The following KIF13B variants were observed in gnomAD, a reference collection of about 807,000 sequenced individuals.
The protein encoded by KIF13B is kinesin-like protein KIF13B.
In KIF13B, 127 loss-of-function variants were observed where a neutral mutation model predicts 222.0. That is an observed-to-expected ratio of 0.57 (90% CI 0.50 to 0.66). The LOEUF (loss-of-function observed/expected upper bound fraction) is 0.66, where lower values mean the gene tolerates loss of function less well. Among genes scored for constraint, KIF13B ranks in the 30% least tolerant of loss-of-function variants. KIF13B has a pLI of 0.00. For synonymous variants in KIF13B, 976 were observed against 919.0 expected (o/e 1.06, Z -1.12); for missense variants, 2,173 against 2,379.0 (o/e 0.91, Z 1.80).
intron 36 of KIF13B, among the ~76,000 whole-genome samples, chr8:29,095,889 AC>A (rs1462298770): frequency 6.6e-6 from 1 of 152,210 alleles, no homozygotes; most frequent in Admixed American, 6.5e-5. Flanking sequence ...TCTGAAAAAA[AC>A]AAAACAAAAC....
chr8:29,178,534 A>C (rs1256621183), intron 8 of KIF13B, among the ~76,000 whole-genome samples: 1 of 152,130 alleles, frequency 6.6e-6, no homozygotes, highest in Non-Finnish European at 1.5e-5. Flanking sequence ...AACCAACACC[A>C]AAATCTATAG....
At chr8:29,093,994 A>G (rs990387220) in intron 36 of KIF13B, among the ~76,000 whole-genome samples, 1 of 152,246 alleles carries the variant, frequency 6.6e-6, no homozygotes, top group Non-Finnish European at 1.5e-5. Flanking sequence ...GAGGAAAAAA[A>G]TTACAATCTA....
intron 37 of KIF13B, among the ~76,000 whole-genome samples, chr8:29,087,630 A>T (rs1808100461): frequency 6.6e-6 from 1 of 152,226 alleles, no homozygotes; most frequent in Non-Finnish European, 1.5e-5. Flanking sequence ...GCGCAGTTCC[A>T]CGCTGCGTCG....
chr8:29,077,158 C>A (rs1807602067), intron 37 of KIF13B, among the ~76,000 whole-genome samples: 1 of 152,156 alleles, frequency 6.6e-6, no homozygotes, highest in Non-Finnish European at 1.5e-5. Flanking sequence ...CCCCTGGTGG[C>A]AGTTAGGCCA....
chr8:29,141,555 T>C (rs1214337884), intron 19 of KIF13B, among the ~76,000 whole-genome samples: 1 of 152,214 alleles, frequency 6.6e-6, no homozygotes, highest in African/African-American at 2.4e-5. Flanking sequence ...CGGAAACAGG[T>C]CTAACGGTAA....
chr8:29,141,531 TA>T (rs1810817545), intron 19 of KIF13B, among the ~76,000 whole-genome samples: 1 of 152,128 alleles, frequency 6.6e-6, no homozygotes, highest in Non-Finnish European at 1.5e-5. Context: ...GCAAAGGAAG[TA>T]AACAACTCTA....
chr8:29,127,848 T>C (rs1810182521), intron 24 of KIF13B, among the ~76,000 whole-genome samples: 1 of 152,008 alleles, frequency 6.6e-6, no homozygotes, highest in Non-Finnish European at 1.5e-5. Flanking sequence ...AACAAAAAAT[T>C]AGACACAAAT....
chr8:29,072,007 G>A lies in KIF13B; in HGVS notation c.4831C>T (p.Pro1611Ser), dbSNP rs1422979172. 2.2e-5 allele frequency: 29 copies of A among 1,291,722 alleles called. No homozygotes were observed. The highest frequency in any genetic ancestry group is 2.8e-5 in the Non-Finnish European group (29 of 1,022,764). 80.0% of individuals were successfully genotyped at this position (1,291,722 alleles called of 1,614,324 possible). A position where few individuals can be genotyped will look rare whatever the true frequency, so the allele number is the denominator to read the frequency against. ...AEPEAPISHPPPPTAVPAEEP... is the reference protein window; with the variant it reads ...AEPEAPISHPSPPTAVPAEEP... ...TCGGCGGGGACGGCCGTGGGCGGTGGGGGGTGGCTGATGGGCGCCTCGGGC... is the reference window on the plus strand; with the variant it reads ...TCGGCGGGGACGGCCGTGGGCGGTGAGGGGTGGCTGATGGGCGCCTCGGGC... Residue 1611 changes from proline (P) to serine (S), a missense_variant, in exon 39 of 40, where the codon CCA (proline) becomes TCA (serine). Physicochemically the swap from Pro to Ser is moderately conservative, Grantham distance 74. Coordinates refer to ENST00000524189, the MANE Select transcript of KIF13B (RefSeq NM_015254.4).
At chr8:29,128,473 C>A (rs1586816577) in intron 24 of KIF13B, among the ~76,000 whole-genome samples, 1 of 152,186 alleles carries the variant, frequency 6.6e-6, no homozygotes, top group Non-Finnish European at 1.5e-5. Context: ...CAGATGTTTT[C>A]TGATTTAATA....
intron 21 of KIF13B, among the ~76,000 whole-genome samples, chr8:29,136,715 T>A (rs1373071861): frequency 6.6e-6 from 1 of 151,364 alleles, no homozygotes. Context: ...GAAATGGGAA[T>A]ATCAGTAGCT....
At chr8:29,170,147 C>T (rs897521256) in intron 10 of KIF13B, among the ~76,000 whole-genome samples, 4 of 152,336 alleles carry the variant, frequency 2.6e-5, no homozygotes, top group African/African-American at 9.6e-5. Flanking sequence ...GTCTTGTTTA[C>T]TCTTTAACTG....
chr8:29,093,006 A>C, intron 36 of KIF13B, 128 bp from the exon 37 acceptor site: 1 of 793,078 alleles, frequency 1.3e-6, no homozygotes, highest in Non-Finnish European at 1.9e-6. Flanking sequence ...AAAAAATATT[A>C]GAGAAACACA....
chr8:29,208,438 T>C (rs746892727), intron 2 of KIF13B, among the ~76,000 whole-genome samples: 20 of 152,228 alleles, frequency 1.3e-4, no homozygotes, highest in Non-Finnish European at 1.8e-4. Context: ...TGGTCCATGG[T>C]TGGGCCTCAG....
At chr8:29,141,692 T>C (rs1372085353) in intron 19 of KIF13B, among the ~76,000 whole-genome samples, 3 of 152,276 alleles carry the variant, frequency 2.0e-5, no homozygotes, top group Non-Finnish European at 4.4e-5. Flanking sequence ...ATGGCATTTA[T>C]GTTATGATCA....
chr8:29,107,840 G>A (rs948359389), intron 35 of KIF13B, among the ~76,000 whole-genome samples: 16 of 150,932 alleles, frequency 1.1e-4, no homozygotes, highest in African/African-American at 3.2e-4. Context: ...GATTACATAC[G>A]TGAGCCACTG....
rs762841653 is a variant in KIF13B, at chr8:29,071,861, G to A, written c.4977C>T (p.Phe1659=). The change falls in exon 39 of 40, where the codon TTC becomes TTT. Residue 1659 remains phenylalanine, a synonymous_variant. Transcript: ENST00000524189. The surrounding 1 kb of genome is among the most constrained non-coding windows in gnomAD (Gnocchi z 4.9). ...RRVRASELRS[F]SRMLAGDPGC... is the part of the protein sequence containing the mutation. ...CGGGGTCCCCAGCCAGCATGCGCGA[G>A]AAGGAGCGCAACTCCGAGGCCCGCA... The A allele has an allele frequency of 3.9e-6, 6 of 1,536,822 alleles. No homozygotes were observed. The South Asian group carries it at 4.8e-5, about 12-fold the overall frequency.
rs1279931551 is a variant in KIF13B, at chr8:29,109,411, A to G, written c.4161+23T>C. 4.4e-6 allele frequency: 7 copies of G among 1,581,578 alleles called. No individual in the cohort carries two copies. The African/African-American group carries it at 9.4e-5, about 21-fold the overall frequency. On this transcript the variant is annotated intron_variant, in intron 34 of 39. Coordinates refer to ENST00000524189, the MANE Select transcript of KIF13B (RefSeq NM_015254.4). ...AGGAGAGAAGTCCCAGGCACAGCAC[A>G]GAGCTTGGTTCCACACACTCACTCT...
At chr8:29,129,072 T>G (rs1041871859) in intron 24 of KIF13B, among the ~76,000 whole-genome samples, 1 of 152,176 alleles carries the variant, frequency 6.6e-6, no homozygotes, top group African/African-American at 2.4e-5. Flanking sequence ...AAAATTGCGG[T>G]TTTTGCCATC....
rs940766515 is a variant in KIF13B at position 29,070,459 on chromosome 8, A to G, written c.*45T>C. 3.1e-6 allele frequency: 5 copies of G among 1,597,132 alleles called. No individual in the cohort carries two copies. The highest frequency in any genetic ancestry group is 1.7e-5 in the Admixed American group (1 of 58,482). On this transcript the variant is annotated 3_prime_UTR_variant, in exon 40 of 40. Coordinates refer to ENST00000524189, the MANE Select transcript of KIF13B (RefSeq NM_015254.4). The surrounding 1 kb of genome is among the most constrained non-coding windows in gnomAD (Gnocchi z 4.1). ...TCAGGGCTGTCACTGGCAGGGCTCA[A>G]AAGGGGCCGGGCACCCCCAGAAAAG... is the stretch of plus-strand genomic sequence containing the variant.
Sources: allele counts gnomAD v4.1 joint callset (sites outside exome capture counted in the v4.1 genomes callset), GRCh38; gene constraint gnomAD v4.1.1; non-coding constraint Gnocchi (gnomAD v3.1); transcripts MANE v1.5; gene names NCBI Gene and HGNC (gene_info 2026-07-23, HGNC 2026-07-21).